The following KCTD1 variants were observed in gnomAD, a reference collection of about 807,000 sequenced individuals.
KCTD1 encodes potassium channel tetramerization domain containing 1, also known as BTB/POZ domain-containing protein KCTD1.
In KCTD1, 24 loss-of-function variants were observed where a neutral mutation model predicts 66.0. The ratio of observed to expected loss-of-function variants is 0.36; its 90% CI spans 0.26 to 0.51. The LOEUF (loss-of-function observed/expected upper bound fraction) is 0.51, where lower values mean the gene tolerates loss of function less well. Ranked by LOEUF, KCTD1 falls within the 20% of genes least tolerant of loss-of-function variation. The pLI is 0.95. For synonymous variants in KCTD1, 511 were observed against 517.2 expected, an observed-to-expected ratio of 0.99 and a Z score of 0.16; for missense variants, 943 against 1,205.2, an observed-to-expected ratio of 0.78 and a Z score of 3.22.
At chr18:26,482,840 C>T (rs544098389) in intron 2 of KCTD1, among the ~76,000 whole-genome samples, 1 of 152,240 alleles carries the variant, frequency 6.6e-6, no homozygotes, top group East Asian at 1.9e-4. Flanking sequence ...ACATCCTGCT[C>T]AGGGGTGAGG....
At chr18:26,471,507 C>T (rs138653826) in intron 3 of KCTD1, among the ~76,000 whole-genome samples, 1 of 151,970 alleles carries the variant, frequency 6.6e-6, no homozygotes, top group East Asian at 1.9e-4. Flanking sequence ...GAATTTCAAG[C>T]AGGAGCAACT....
At chr18:26,467,902 G>C (rs1289637775) in intron 3 of KCTD1, among the ~76,000 whole-genome samples, 1 of 152,190 alleles carries the variant, frequency 6.6e-6, no homozygotes, top group African/African-American at 2.4e-5. Context: ...GGAGCTGCCT[G>C]CCAGCAAGTT....
chr18:26,497,072 G>A (rs577019512), intron 2 of KCTD1, among the ~76,000 whole-genome samples: 2 of 152,290 alleles, frequency 1.3e-5, no homozygotes, highest in South Asian at 4.1e-4. Flanking sequence ...TGGGGACAAA[G>A]TTCTAAGGGT....
intron 1 of KCTD1, among the ~76,000 whole-genome samples, chr18:26,558,983 C>T (rs955350762): frequency 5.5e-4 from 83 of 151,926 alleles, no homozygotes; most frequent in African/African-American, 2.0e-3. Flanking sequence ...CTGTCATTTG[C>T]ACCAACCTTG....
At chr18:26,499,086 T>C (rs1982625968) in intron 2 of KCTD1, among the ~76,000 whole-genome samples, 1 of 152,210 alleles carries the variant, frequency 6.6e-6, no homozygotes, top group Non-Finnish European at 1.5e-5. Flanking sequence ...ACAGAAAATA[T>C]AGTTTTTATT....
chr18:26,628,970 G>A (rs1358715418), intron 1 of KCTD1, among the ~76,000 whole-genome samples: 1 of 152,216 alleles, frequency 6.6e-6, no homozygotes, highest in Non-Finnish European at 1.5e-5. Context: ...ATGTGTATTT[G>A]CTGGGGGACC....
intron 1 of KCTD1, among the ~76,000 whole-genome samples, chr18:26,586,733 G>A (rs1986481003): frequency 6.6e-6 from 1 of 152,226 alleles, no homozygotes; most frequent in African/African-American, 2.4e-5. Context: ...GAGAAAGTTT[G>A]AGTGGTCCGG....
In KCTD1 at chr18:26,547,315, G is replaced by A. The variant is rs1298113601; in HGVS notation, c.1222C>T (p.Arg408Trp). ...RNPLCKAFFQ[R>W]PRDHCSEGDV... ...CCCTCGCTGCAGTGGTCCCGGGGCC[G>A]CTGGAAGAACGCCTTGCAGAGAGGG... Residue 408 changes from arginine (R) to tryptophan (W), a missense_variant, in exon 1 of 5, where the codon CGG (arginine) becomes TGG (tryptophan). By Grantham distance (101) the Arg-to-Trp change is moderately radical (BLOSUM62 -3). This residue lies in a region of KCTD1 where 79 missense variants were observed against 133.9 expected (regional missense o/e 0.59). Transcript: ENST00000580059. The A allele has an allele frequency of 6.4e-7, 1 of 1,551,600 alleles. No individual in the cohort carries two copies. Among genetic ancestry groups the A allele is most frequent in the South Asian group, 1.2e-5 (1 of 84,056 alleles).
At chr18:26,486,872 C>T (rs1391320501) in intron 2 of KCTD1, among the ~76,000 whole-genome samples, 3 of 152,172 alleles carry the variant, frequency 2.0e-5, no homozygotes, top group African/African-American at 7.2e-5. Context: ...GCAATCATGC[C>T]AGCAAAAGAA....
chr18:26,486,125 T>C (rs1393362244), intron 2 of KCTD1, among the ~76,000 whole-genome samples: 2 of 152,190 alleles, frequency 1.3e-5, no homozygotes, highest in African/African-American at 4.8e-5. Flanking sequence ...TTAGCCCCCA[T>C]GTCTCGAACT....
chr18:26,514,331 C>T (rs1983519952), intron 1 of KCTD1, among the ~76,000 whole-genome samples: 1 of 151,982 alleles, frequency 6.6e-6, no homozygotes, highest in South Asian at 2.1e-4. Context: ...AGTAGGAGGG[C>T]TGCTTGCGGC....
chr18:26,539,094 C>A (rs1200837171), intron 1 of KCTD1, among the ~76,000 whole-genome samples: 3 of 152,162 alleles, frequency 2.0e-5, no homozygotes, highest in Admixed American at 6.5e-5. Context: ...TTATTGGATT[C>A]TTTTATTTGA....
At chr18:26,602,311 T>C (rs1429363400) in intron 1 of KCTD1, among the ~76,000 whole-genome samples, 1 of 152,212 alleles carries the variant, frequency 6.6e-6, no homozygotes, top group East Asian at 1.9e-4. Flanking sequence ...AAATCTCATT[T>C]GATCATGGTT....
intron 1 of KCTD1, among the ~76,000 whole-genome samples, chr18:26,558,698 C>T (rs1029549376): frequency 5.0e-4 from 76 of 152,136 alleles, no homozygotes; most frequent in African/African-American, 1.2e-3. Flanking sequence ...CTGAGGCTGG[C>T]GGATCACGAG....
At chr18:26,484,814 C>A (rs1981833260) in intron 2 of KCTD1, among the ~76,000 whole-genome samples, 1 of 152,036 alleles carries the variant, frequency 6.6e-6, no homozygotes, top group Admixed American at 6.5e-5. Context: ...AATGACTCTG[C>A]AGGGTTTGGA....
intron 1 of KCTD1, among the ~76,000 whole-genome samples, chr18:26,534,220 C>G (rs942875466): frequency 6.6e-6 from 1 of 151,810 alleles, no homozygotes; most frequent in Non-Finnish European, 1.5e-5. Context: ...CAAAATTAAT[C>G]CTTTAAATAT....
chr18:26,607,009 A>G (rs548019533), intron 1 of KCTD1, among the ~76,000 whole-genome samples: 81 of 152,160 alleles, frequency 5.3e-4, no homozygotes, highest in African/African-American at 1.9e-3. Context: ...TCTTGTCCCT[A>G]CCTGGGCAGA....
chr18:26,528,596 T>A (rs1165394334), intron 1 of KCTD1, among the ~76,000 whole-genome samples: 1 of 152,204 alleles, frequency 6.6e-6, no homozygotes, highest in Non-Finnish European at 1.5e-5. Flanking sequence ...ACAGTCAAAC[T>A]GGAGCCATGT....
At chr18:26,555,308 T>A (rs1369863807) in intron 1 of KCTD1, among the ~76,000 whole-genome samples, 2 of 152,196 alleles carry the variant, frequency 1.3e-5, no homozygotes, top group South Asian at 2.1e-4. Flanking sequence ...TTACTATCAA[T>A]ATAAATTAAA....
Sources: allele counts gnomAD v4.1 joint callset (sites outside exome capture counted in the v4.1 genomes callset), GRCh38; gene constraint gnomAD v4.1.1; regional missense constraint gnomAD v4.1.1; transcripts MANE v1.5; gene names NCBI Gene and HGNC (gene_info 2026-07-23, HGNC 2026-07-21).